The following ASCC3 variants were observed in gnomAD, a reference collection of about 807,000 sequenced individuals.
The protein encoded by ASCC3 is ASC-1 complex subunit P200.
A neutral mutation model predicts 256.3 loss-of-function variants in ASCC3; 158 were observed. That is an observed-to-expected ratio of 0.62 (90% CI 0.54 to 0.70). ASCC3 has a LOEUF of 0.70. ASCC3 is among the 30% of genes least tolerant of loss of function. The probability of loss-of-function intolerance (pLI) is 0.00; values close to 1 mark genes in which losing one functional copy is unlikely to be tolerated. For synonymous variants in ASCC3, 948 were observed against 883.4 expected, an observed-to-expected ratio of 1.07 and a Z score of -1.30; for missense variants, 2,259 against 2,626.0, an observed-to-expected ratio of 0.86 and a Z score of 3.05.
chr6:100,522,404 G>A (rs755528248), intron 37 of ASCC3, among the ~76,000 whole-genome samples: 9 of 152,104 alleles, frequency 5.9e-5, no homozygotes, highest in Non-Finnish European at 1.2e-4. Flanking sequence ...ATTTACTTAA[G>A]AGAGGTGAGC....
intron 13 of ASCC3, among the ~76,000 whole-genome samples, chr6:100,690,293 C>T (rs1478544297): frequency 6.6e-6 from 1 of 152,084 alleles, no homozygotes; most frequent in Admixed American, 6.6e-5. Flanking sequence ...AGTACAGATG[C>T]AACCATTCTT....
intron 8 of ASCC3, among the ~76,000 whole-genome samples, chr6:100,774,012 CATAT>C (rs34540592): frequency 0.55 from 82,949 of 151,448 alleles, 23,021 homozygotes; most frequent in South Asian, 0.75. Context: ...AAACCTATTA[CATAT>C]ATAGAGGTTT....
chr6:100,859,251 T>A (rs1282125810), intron 3 of ASCC3: 3 of 778,860 alleles, frequency 3.9e-6, no homozygotes, highest in Non-Finnish European at 7.2e-6. Context: ...TGGGTTAATT[T>A]CTGCTTCCAC....
At chr6:100,526,844 A>G (rs1307405727) in intron 37 of ASCC3, among the ~76,000 whole-genome samples, 1 of 152,186 alleles carries the variant, frequency 6.6e-6, no homozygotes, top group Non-Finnish European at 1.5e-5. Flanking sequence ...CAGTCTGGCC[A>G]GGAATGCAGC....
intron 10 of ASCC3, among the ~76,000 whole-genome samples, chr6:100,751,087 T>C (rs1263171954): frequency 6.6e-6 from 1 of 152,060 alleles, no homozygotes; most frequent in African/African-American, 2.4e-5. Context: ...CCAGATAAAT[T>C]GAATAGCCCT....
chr6:100,656,815 G>A (rs951912360), intron 16 of ASCC3, among the ~76,000 whole-genome samples: 15 of 150,388 alleles, frequency 1.0e-4, no homozygotes, highest in African/African-American at 3.6e-4. Flanking sequence ...ATTTACCCAC[G>A]TTGTAAAACT....
chr6:100,844,881 C>T lies in ASCC3; in HGVS notation c.801+3267G>A, dbSNP rs147049177. ...AATTCCCTGAGGAATAATTAAAACTCATCTTAAACAGGTCTAAAACAGGAG... is the reference window on the plus strand; with the variant it reads ...AATTCCCTGAGGAATAATTAAAACTTATCTTAAACAGGTCTAAAACAGGAG... On this transcript the variant is annotated intron_variant, in intron 4 of 41. Coordinates refer to ENST00000369162, the MANE Select transcript of ASCC3 (RefSeq NM_006828.4). 5.3e-5 allele frequency among the ~76,000 whole-genome samples: 8 copies of T among 152,170 alleles called. No homozygotes were observed. In the East Asian group the frequency reaches 1.4e-3, roughly 26 times the overall value.
intron 10 of ASCC3, among the ~76,000 whole-genome samples, chr6:100,764,836 C>T (rs770615995): frequency 2.6e-5 from 4 of 151,852 alleles, no homozygotes; most frequent in Non-Finnish European, 4.4e-5. Flanking sequence ...TTTGGGGGGT[C>T]GGGGAGATGA....
At chr6:100,864,596 T>C (rs1459012521) in intron 2 of ASCC3, among the ~76,000 whole-genome samples, 1 of 152,190 alleles carries the variant, frequency 6.6e-6, no homozygotes, top group Non-Finnish European at 1.5e-5. Flanking sequence ...GACTATAGTG[T>C]ATATAAATAA....
chr6:100,650,840 T>C (rs1297743764), intron 19 of ASCC3, 126 bp from the exon 20 acceptor site: 31 of 764,458 alleles, frequency 4.1e-5, no homozygotes, highest in East Asian at 8.1e-5. Context: ...TTTTCTTTCA[T>C]AGAGTTAAAT....
At chr6:100,559,248 G>A (rs1186120946) in intron 36 of ASCC3, among the ~76,000 whole-genome samples, 4 of 152,122 alleles carry the variant, frequency 2.6e-5, no homozygotes, top group African/African-American at 9.7e-5. Flanking sequence ...ACATTATCAT[G>A]TAGTCAAACA....
chr6:100,579,818 T>G (rs1562134072), intron 36 of ASCC3, among the ~76,000 whole-genome samples: 1 of 152,174 alleles, frequency 6.6e-6, no homozygotes, highest in South Asian at 2.1e-4. Context: ...CCAGCTCTTT[T>G]TGGATCCATA....
At chr6:100,529,491 TA>T (rs1774759109) in intron 37 of ASCC3, among the ~76,000 whole-genome samples, 1 of 152,124 alleles carries the variant, frequency 6.6e-6, no homozygotes, top group Non-Finnish European at 1.5e-5. Context: ...AAATCCCTCT[TA>T]GAAACTGGTT....
chr6:100,756,619 A>C (rs1226030604), intron 10 of ASCC3, among the ~76,000 whole-genome samples: 1 of 152,118 alleles, frequency 6.6e-6, no homozygotes, highest in Non-Finnish European at 1.5e-5. Context: ...ACATGTATAT[A>C]CACTAAGGGA....
intron 36 of ASCC3, among the ~76,000 whole-genome samples, chr6:100,579,687 A>G (rs1046043236): frequency 6.6e-6 from 1 of 151,874 alleles, no homozygotes; most frequent in Non-Finnish European, 1.5e-5. Context: ...CCATTGGTCT[A>G]TGTCTGTTTT....
intron 36 of ASCC3, among the ~76,000 whole-genome samples, chr6:100,558,712 A>G (rs1035539788): frequency 1.3e-5 from 2 of 152,158 alleles, no homozygotes; most frequent in Non-Finnish European, 2.9e-5. Context: ...AATTATTTCA[A>G]TGTATTAGCA....
In ASCC3 at chr6:100,593,202, C is replaced by G. The variant is rs143437360; in HGVS notation, c.5304-3143G>C. Among the ~76,000 whole-genome samples the G allele has an allele frequency of 9.2e-5, 14 of 152,198 alleles. 1 individual carries two copies. The highest frequency in any genetic ancestry group is 3.4e-4 in the African/African-American group (14 of 41,546). ...AAGCCAGCGGGATCACAATTACAGG[C>G]TGTTTGAACACAACAATTACTAGTC... On this transcript the variant is annotated intron_variant, in intron 34 of 41. Coordinates refer to ENST00000369162, the MANE Select transcript of ASCC3 (RefSeq NM_006828.4).
intron 1 of ASCC3, among the ~76,000 whole-genome samples, chr6:100,879,640 T>C (rs1562366368): frequency 6.6e-6 from 1 of 150,556 alleles, no homozygotes; most frequent in Non-Finnish European, 1.5e-5. Flanking sequence ...GAAACTGATT[T>C]CTACCTCAAA....
chr6:100,662,072 C>A (rs1448866920), intron 15 of ASCC3, 42 bp from the exon 16 acceptor site: 2 of 1,549,888 alleles, frequency 1.3e-6, no homozygotes, highest in South Asian at 2.2e-5. Flanking sequence ...TAAACACACA[C>A]AAATATAATC....
Sources: allele counts gnomAD v4.1 joint callset (sites outside exome capture counted in the v4.1 genomes callset), GRCh38; gene constraint gnomAD v4.1.1; transcripts MANE v1.5; gene names NCBI Gene and HGNC (gene_info 2026-07-23, HGNC 2026-07-21).